The following LRRC8D variants were observed in gnomAD, a reference collection of about 807,000 sequenced individuals.
The protein encoded by LRRC8D is leucine rich repeat containing 8 VRAC subunit D.
Under a neutral mutation model 55.8 loss-of-function variants are expected in LRRC8D, and 20 were observed. The ratio of observed to expected loss-of-function variants is 0.36; its 90% CI spans 0.25 to 0.52. The LOEUF (loss-of-function observed/expected upper bound fraction) is 0.52, where lower values mean the gene tolerates loss of function less well. Among genes scored for constraint, LRRC8D ranks in the 20% least tolerant of loss-of-function variants. The pLI is 0.93. For missense variants in LRRC8D, 651 were observed against 1,030.8 expected, an observed-to-expected ratio of 0.63 and a Z score of 5.05; for synonymous variants, 352 against 377.0, an observed-to-expected ratio of 0.93 and a Z score of 0.77.
At chr1:89,847,428 T>C (rs915721857) in intron 2 of LRRC8D, among the ~76,000 whole-genome samples, 2 of 152,246 alleles carry the variant, frequency 1.3e-5, no homozygotes, top group East Asian at 1.9e-4. Context: ...AAATGATACA[T>C]GTATGGTTCC....
At chr1:89,837,212 C>G (rs547502846) in intron 1 of LRRC8D, among the ~76,000 whole-genome samples, 4 of 152,306 alleles carry the variant, frequency 2.6e-5, no homozygotes, top group African/African-American at 9.6e-5. Context: ...TCCTCCTGGC[C>G]TTTTCATTCT....
chr1:89,876,582 G>A (rs1308166627), intron 2 of LRRC8D, among the ~76,000 whole-genome samples: 1 of 152,196 alleles, frequency 6.6e-6, no homozygotes, highest in Non-Finnish European at 1.5e-5. Flanking sequence ...AGAGGTGGCA[G>A]GGTAGTGGGA....
intron 2 of LRRC8D, among the ~76,000 whole-genome samples, chr1:89,875,576 T>C (rs1313880968): frequency 6.6e-6 from 1 of 152,148 alleles, no homozygotes; most frequent in East Asian, 1.9e-4. Flanking sequence ...GAAGGGGGTG[T>C]TACATGGTCA....
intron 2 of LRRC8D, 116 bp from the exon 3 acceptor site, chr1:89,932,951 T>C: frequency 1.2e-6 from 1 of 806,484 alleles, no homozygotes. Flanking sequence ...TTATATTGGA[T>C]AAAAAGATAG....
chr1:89,874,699 T>C (rs1429183775), intron 2 of LRRC8D, among the ~76,000 whole-genome samples: 1 of 152,216 alleles, frequency 6.6e-6, no homozygotes, highest in African/African-American at 2.4e-5. Context: ...AGTATTGCAA[T>C]AATCTGAATT....
At chr1:89,834,923 C>T (rs1041429898) in intron 1 of LRRC8D, among the ~76,000 whole-genome samples, 2 of 152,204 alleles carry the variant, frequency 1.3e-5, no homozygotes, top group Admixed American at 6.5e-5. Context: ...GGACAGATTA[C>T]AGAGGGCCTA....
chr1:89,850,191 A>G (rs1661377660), intron 2 of LRRC8D, among the ~76,000 whole-genome samples: 1 of 152,184 alleles, frequency 6.6e-6, no homozygotes, highest in Non-Finnish European at 1.5e-5. Context: ...CAGTGCATAT[A>G]TGTAGATGTA....
At chr1:89,825,690 A>G (rs1660745605) in intron 1 of LRRC8D, among the ~76,000 whole-genome samples, 1 of 152,218 alleles carries the variant, frequency 6.6e-6, no homozygotes, top group Admixed American at 6.5e-5. Flanking sequence ...CCGTTGATGT[A>G]AGTTCATACT....
chr1:89,853,670 G>A (rs1390609080), intron 2 of LRRC8D, among the ~76,000 whole-genome samples: 1 of 152,144 alleles, frequency 6.6e-6, no homozygotes, highest in Non-Finnish European at 1.5e-5. Context: ...AGTAAATAGG[G>A]AAAAGCTGTC....
chr1:89,864,376 G>A (rs554021438), intron 2 of LRRC8D, among the ~76,000 whole-genome samples: 1 of 151,624 alleles, frequency 6.6e-6, no homozygotes, highest in East Asian at 1.9e-4. Flanking sequence ...CAGTTTACAA[G>A]GAGTTGTAAT....
chr1:89,873,841 G>A (rs17497905), intron 2 of LRRC8D, among the ~76,000 whole-genome samples: 14,947 of 152,192 alleles, frequency 0.098, 988 homozygotes, highest in South Asian at 0.17. Context: ...GATAATGAAC[G>A]ACCTAGTAGG....
At chr1:89,932,015 A>G (rs1298417059) in intron 2 of LRRC8D, among the ~76,000 whole-genome samples, 1 of 152,214 alleles carries the variant, frequency 6.6e-6, no homozygotes, top group Non-Finnish European at 1.5e-5. Context: ...GTTCATGCAC[A>G]TAATTAGAGA....
intron 2 of LRRC8D, among the ~76,000 whole-genome samples, chr1:89,910,034 C>T (rs1291295229): frequency 6.6e-6 from 1 of 152,102 alleles, no homozygotes; most frequent in Non-Finnish European, 1.5e-5. Flanking sequence ...TACTTACGAA[C>T]CAGTAGGCCT....
chr1:89,933,027 G>C lies in LRRC8D; in HGVS notation c.-2-40G>C. Reference sequence around the variant, plus strand: ...TTTTTCTCATTTACTCTTTTCATTTGCATCTCTAGAATAATGTCTTTTGTC... The same window carrying C: ...TTTTTCTCATTTACTCTTTTCATTTCCATCTCTAGAATAATGTCTTTTGTC... On this transcript the variant is annotated intron_variant, in intron 2 of 2. Coordinates refer to ENST00000337338, the MANE Select transcript of LRRC8D (RefSeq NM_001134479.2). The surrounding 1 kb of genome is among the most constrained non-coding windows in gnomAD (Gnocchi z 7.0). 1 of 1,553,676 alleles carries C rather than the reference G, an allele frequency of 6.4e-7. No homozygotes were observed.
At chr1:89,901,248 C>T (rs961951228) in intron 2 of LRRC8D, among the ~76,000 whole-genome samples, 3 of 152,092 alleles carry the variant, frequency 2.0e-5, no homozygotes, top group Non-Finnish European at 4.4e-5. Flanking sequence ...GCCCTGTAAG[C>T]GTAAAGGAGA....
At chr1:89,846,451 T>C (rs1661283382) in intron 2 of LRRC8D, 1 of 152,144 alleles carries the variant, frequency 6.6e-6, no homozygotes, top group Admixed American at 6.5e-5. Flanking sequence ...TCAGTGGTCG[T>C]ATTAGTAAAT....
At chr1:89,916,124 G>T (rs1160009276) in intron 2 of LRRC8D, among the ~76,000 whole-genome samples, 1 of 152,192 alleles carries the variant, frequency 6.6e-6, no homozygotes, top group Non-Finnish European at 1.5e-5. Context: ...AGGGGGAAAT[G>T]TTAGAAATTA....
intron 2 of LRRC8D, among the ~76,000 whole-genome samples, chr1:89,851,289 G>T (rs1354747584): frequency 6.6e-6 from 1 of 152,018 alleles, no homozygotes; most frequent in Non-Finnish European, 1.5e-5. Flanking sequence ...GAATACTCTT[G>T]AAAGTCTCTT....
intron 2 of LRRC8D, among the ~76,000 whole-genome samples, chr1:89,880,944 A>G (rs979661131): frequency 2.6e-5 from 4 of 152,168 alleles, no homozygotes; most frequent in African/African-American, 9.7e-5. Context: ...ACTGGAATCT[A>G]AAGCTCATCA....
Sources: gnomAD v4.1 joint callset for allele counts (sites outside exome capture counted in the v4.1 genomes callset) on GRCh38, gnomAD v4.1.1 for gene constraint, Gnocchi (gnomAD v3.1) non-coding constraint, MANE v1.5 for transcripts, NCBI Gene and HGNC (gene_info 2026-07-23, HGNC 2026-07-21) for gene names.